RGP1: variants seen among roughly 807,000 people sequenced by gnomAD.
RGP1 encodes the protein RGP1 partner of RAB6A GEF complex.
In RGP1, 28 loss-of-function variants were observed where a neutral mutation model predicts 44.5. The observed-to-expected ratio is 0.63, with a 90% CI of 0.47 to 0.86. The LOEUF is 0.86. RGP1 is among the 40% of genes least tolerant of loss of function. The pLI is 0.00. For missense variants in RGP1, 417 were observed against 490.7 expected, an observed-to-expected ratio of 0.85 and a Z score of 1.42; for synonymous variants, 212 against 196.7, an observed-to-expected ratio of 1.08 and a Z score of -0.65.
At chr9:35,761,995 A>T (rs1827422202), downstream of RGP1, among the ~76,000 whole-genome samples, 2 of 152,152 alleles carry the variant, frequency 1.3e-5, no homozygotes, top group South Asian at 4.1e-4. Flanking sequence ...ATCTCTACCA[A>T]AAATACAAAA....
At chr9:35,750,186 GA>G (rs1490235250) in intron 2 of RGP1, 56 bp from the exon 3 acceptor site, 1 of 1,574,316 alleles carries the variant, frequency 6.4e-7, no homozygotes, top group Non-Finnish European at 8.6e-7. Context: ...GGGAGCTTGG[GA>G]AAGCATTTGT....
the RGP1 span, among the ~76,000 whole-genome samples, chr9:35,763,961 T>C: frequency 6.9e-6 from 1 of 145,270 alleles, no homozygotes; most frequent in African/African-American, 2.6e-5. Flanking sequence ...ATAAGAGAGA[T>C]TGAGAAAGGA....
intron 8 of RGP1, 82 bp downstream of exon 8, chr9:35,752,227 C>T (rs1827278231): frequency 8.4e-6 from 11 of 1,308,014 alleles, no homozygotes; most frequent in African/African-American, 3.0e-5. Flanking sequence ...GATCCTGATT[C>T]CTTATACACA....
chr9:35,783,464 A>ACC, the RGP1 span, among the ~76,000 whole-genome samples: 1 of 149,624 alleles, frequency 6.7e-6, no homozygotes, highest in African/African-American at 2.5e-5. Flanking sequence ...CACCCCATCT[A>ACC]CCCCTCCTGC....
rs1827305455 is a variant in RGP1 at position 35,753,424 on chromosome 9, C to T, written c.*550C>T. ...TCCTCCTAACTAAGCTGTCACCTAC[C>T]ATATGTGGGCCTTTTTGTTTTATAA... On this transcript the variant is annotated 3_prime_UTR_variant, in exon 9 of 9. Coordinates refer to ENST00000378078, the MANE Select transcript of RGP1 (RefSeq NM_001080496.3). The surrounding 1 kb of genome is among the most constrained non-coding windows in gnomAD (Gnocchi z 4.2). 2 of 899,900 alleles carry T rather than the reference C, an allele frequency of 2.2e-6. No individual in the cohort carries two copies. The highest frequency in any genetic ancestry group is 3.3e-6 in the Non-Finnish European group (2 of 604,012). The allele number at this position is 899,900 out of a possible 1,614,324, so 55.7% of individuals were successfully genotyped here.
the RGP1 span, among the ~76,000 whole-genome samples, chr9:35,774,975 ACC>A: frequency 6.6e-6 from 1 of 151,838 alleles, no homozygotes; most frequent in African/African-American, 2.4e-5. Flanking sequence ...AATTTATAAT[ACC>A]CTTTTCTCTC....
At chr9:35,766,255 G>A in the RGP1 span, among the ~76,000 whole-genome samples, 1 of 150,282 alleles carries the variant, frequency 6.7e-6, no homozygotes. Flanking sequence ...CTTTTTATGT[G>A]CTTTCTTGTC....
rs1444278775 is a variant in RGP1, at chr9:35,752,152, C to A, written c.952+7C>A. 6.5e-7 allele frequency: 1 copy of A among 1,540,208 alleles called. No individual in the cohort carries two copies. The highest frequency in any genetic ancestry group is 8.7e-7 in the Non-Finnish European group (1 of 1,145,384). On this transcript the variant is annotated splice_region_variant and intron_variant, in intron 8 of 8. Coordinates refer to ENST00000378078, the MANE Select transcript of RGP1 (RefSeq NM_001080496.3). ...GGCTTCTGTACAGCCATTGGTGAGACCCTCACTGTTACTGGAGAAGGGAGA... is the reference window on the plus strand; with the variant it reads ...GGCTTCTGTACAGCCATTGGTGAGAACCTCACTGTTACTGGAGAAGGGAGA...
chr9:35,783,423 C>T, the RGP1 span, among the ~76,000 whole-genome samples: 1 of 152,090 alleles, frequency 6.6e-6, no homozygotes, highest in East Asian at 1.9e-4. Flanking sequence ...ACTTACTCCT[C>T]CTGTCTATCT....
the RGP1 span, among the ~76,000 whole-genome samples, chr9:35,777,312 G>A: frequency 6.6e-6 from 1 of 151,300 alleles, no homozygotes; most frequent in African/African-American, 2.4e-5. Flanking sequence ...TGTATTTTTA[G>A]TAGAGATGGG....
the RGP1 span, among the ~76,000 whole-genome samples, chr9:35,765,218 T>TA: frequency 6.6e-6 from 1 of 152,310 alleles, no homozygotes; most frequent in East Asian, 1.9e-4. Flanking sequence ...TGATGATGGA[T>TA]ATTTGGGCTG....
chr9:35,750,755 C>T lies in RGP1; in HGVS notation c.337+14C>T, dbSNP rs368922738. 6.2e-7 allele frequency: 1 copy of T among 1,613,706 alleles called. No homozygotes were observed. Among genetic ancestry groups the T allele is most frequent in the Non-Finnish European group, 8.5e-7 (1 of 1,179,764 alleles). On this transcript the variant is annotated intron_variant, in intron 4 of 8. Coordinates refer to ENST00000378078, the MANE Select transcript of RGP1 (RefSeq NM_001080496.3). The stretch of plus-strand genomic sequence containing the variant: ...AGTCCAAATCATGTGAGTGATTGTC[C>T]CCATCCCTGAATTGCCTTCTAAGTC...
the RGP1 span, among the ~76,000 whole-genome samples, chr9:35,783,885 C>T: frequency 5.9e-5 from 9 of 152,206 alleles, no homozygotes; most frequent in Admixed American, 3.3e-4. Flanking sequence ...TTCATTATGG[C>T]GATACTAATT....
At position 35,750,671 on chromosome 9, in the gene RGP1, G is replaced by A; in HGVS notation, c.267G>A (p.Gln89=). 1 of 1,614,016 alleles carries A rather than the reference G, an allele frequency of 6.2e-7. No individual in the cohort carries two copies. Among genetic ancestry groups the A allele is most frequent in the South Asian group, 1.1e-5 (1 of 91,084 alleles). Reference sequence around the variant, plus strand: ...TACCTTTTTCAGGTGAGAGGGGCCAGTGTATCCTTTCTACTCCACCGAAAA... The same window carrying A: ...TACCTTTTTCAGGTGAGAGGGGCCAATGTATCCTTTCTACTCCACCGAAAA... ...VFLPHRGERG[Q]CILSTPPKIL... The change falls in exon 4 of 9, where the codon CAG becomes CAA. Residue 89 remains glutamine, a synonymous_variant. Transcript: ENST00000378078.
the RGP1 span, among the ~76,000 whole-genome samples, chr9:35,783,529 A>C: frequency 6.6e-6 from 1 of 150,778 alleles, no homozygotes; most frequent in Non-Finnish European, 1.5e-5. Context: ...CTAAGAGATC[A>C]GTTTTTGTTT....
chr9:35,758,900 A>G (rs1827394446), downstream of RGP1, among the ~76,000 whole-genome samples: 1 of 151,454 alleles, frequency 6.6e-6, no homozygotes, highest in Non-Finnish European at 1.5e-5. Context: ...CTTTCTCTTT[A>G]GTAAGACCTC....
chr9:35,788,253 C>T, the RGP1 span, among the ~76,000 whole-genome samples: 1 of 152,294 alleles, frequency 6.6e-6, no homozygotes, highest in African/African-American at 2.4e-5. Context: ...TGATGCTCTG[C>T]AGTTTAGTTC....
chr9:35,770,942 A>G, the RGP1 span, among the ~76,000 whole-genome samples: 1 of 152,238 alleles, frequency 6.6e-6, no homozygotes, highest in Non-Finnish European at 1.5e-5. Flanking sequence ...GGCGTATTAT[A>G]TCTTCAGGGT....
chr9:35,760,704 A>G (rs1297866388), downstream of RGP1, among the ~76,000 whole-genome samples: 2 of 151,954 alleles, frequency 1.3e-5, no homozygotes, highest in Non-Finnish European at 2.9e-5. Context: ...TGATTTTTAC[A>G]AGACACTACC....
Sources: gnomAD v4.1 joint callset for allele counts (sites outside exome capture counted in the v4.1 genomes callset) on GRCh38, gnomAD v4.1.1 for gene constraint, Gnocchi (gnomAD v3.1) non-coding constraint, MANE v1.5 for transcripts, NCBI Gene and HGNC (gene_info 2026-07-23, HGNC 2026-07-21) for gene names.